PEAK1: variants seen among roughly 807,000 people sequenced by gnomAD.
PEAK1 encodes pseudopodium enriched atypical kinase 1.
PEAK1 carries 54 observed loss-of-function variants against 124.7 expected under a neutral mutation model. That is an observed-to-expected ratio of 0.43 (90% CI 0.35 to 0.54). The LOEUF is 0.54. Ranked by LOEUF, PEAK1 falls within the 20% of genes least tolerant of loss-of-function variation. The pLI is 0.01. For missense variants in PEAK1, 2,046 were observed against 2,134.5 expected (o/e 0.96, Z 0.82); for synonymous variants, 719 against 760.0 (o/e 0.95, Z 0.89).
chr15:77,114,501 G>A lies in PEAK1; in HGVS notation c.4896C>T (p.Ser1632=). The part of the protein sequence containing the change: ...RADLPRIPFR[S]PYSRGLQQLA... ...GCTGCTGCAGACCCCGGGAGTAGGG[G>A]GAGCGGAATGGGATGCGAGGCAGGT... The change falls in exon 10 of 10, where the codon TCC becomes TCT. Residue 1632 remains serine, a synonymous_variant. Coordinates refer to ENST00000682557, the MANE Select transcript of PEAK1 (RefSeq NM_001385026.1). 1 of 1,614,050 alleles carries A rather than the reference G, an allele frequency of 6.2e-7. No individual in the cohort carries two copies. Among genetic ancestry groups the A allele is most frequent in the Non-Finnish European group, 8.5e-7 (1 of 1,179,972 alleles).
intron 2 of PEAK1, chr15:77,334,174 T>C (rs2066056585): frequency 1.0e-6 from 1 of 971,832 alleles, no homozygotes; most frequent in Non-Finnish European, 1.2e-6. Context: ...AGGTATTCCT[T>C]GAATATTGAG....
rs567019569 is a variant in PEAK1, at chr15:77,260,049, C to T, written c.-274-7523G>A. ...AAAACATCTAAGGAAAAAATGTTACCAGATAGTTGCAATACAAAGATTCTC... is the reference window on the plus strand; with the variant it reads ...AAAACATCTAAGGAAAAAATGTTACTAGATAGTTGCAATACAAAGATTCTC... On this transcript the variant is annotated intron_variant, in intron 5 of 9. Transcript: ENST00000682557. Among the ~76,000 whole-genome samples the T allele has an allele frequency of 4.6e-5, 7 of 152,000 alleles. No homozygotes were observed. The South Asian group carries it at 1.5e-3, about 32-fold the overall frequency.
At chr15:77,177,450 G>A (rs2056955290) in intron 7 of PEAK1, among the ~76,000 whole-genome samples, 1 of 152,028 alleles carries the variant, frequency 6.6e-6, no homozygotes, top group Non-Finnish European at 1.5e-5. Flanking sequence ...TATGTAAAAA[G>A]CTCATTTTAG....
At chr15:77,279,104 C>CGT (rs34561338) in intron 5 of PEAK1, among the ~76,000 whole-genome samples, 22,421 of 114,892 alleles carry the variant, frequency 0.2, 1,754 homozygotes, top group Non-Finnish European at 0.25. Context: ...CTCGTGTGTG[C>CGT]GTGTGTGTGT....
rs2066186000 is a variant in PEAK1, at chr15:77,336,176, C to G, written c.-603+28987G>C. On this transcript the variant is annotated intron_variant, in intron 2 of 9. Coordinates refer to ENST00000682557, the MANE Select transcript of PEAK1 (RefSeq NM_001385026.1). Reference sequence around the variant, plus strand: ...AGCACAAGACCTGCACCTACTTGTTCTACAACCACAGAGCTTCAGGGGCAG... The same window carrying G: ...AGCACAAGACCTGCACCTACTTGTTGTACAACCACAGAGCTTCAGGGGCAG... 6.1e-6 allele frequency: 6 copies of G among 985,322 alleles called. No individual in the cohort carries two copies. The African/African-American group carries it at 8.7e-5, about 14-fold the overall frequency. The allele number at this position is 985,322 out of a possible 1,614,324, so 61.0% of individuals were successfully genotyped here.
At position 77,302,844 on chromosome 15, in the gene PEAK1, G is replaced by A. The variant is rs529703353; in HGVS notation, c.-602-16340C>T. Among the ~76,000 whole-genome samples, 35 of 152,212 alleles carry A rather than the reference G, an allele frequency of 2.3e-4. 1 individual carries two copies. The South Asian group carries it at 6.4e-3, about 28-fold the overall frequency. On this transcript the variant is annotated intron_variant, in intron 2 of 9. Transcript: ENST00000682557. ...TAAAATTCTCTGGGTTTTGGCAAAT[G>A]CTTAATATCTTATATTCATCATCAC...
At chr15:77,125,428 A>C (rs919787471) in intron 9 of PEAK1, among the ~76,000 whole-genome samples, 2 of 152,142 alleles carry the variant, frequency 1.3e-5, no homozygotes, top group African/African-American at 4.8e-5. Flanking sequence ...AGGAAGGAAT[A>C]ACCAACTTTT....
chr15:77,389,322 C>T (rs572940099), intron 1 of PEAK1, among the ~76,000 whole-genome samples: 1 of 152,178 alleles, frequency 6.6e-6, no homozygotes, highest in African/African-American at 2.4e-5. Context: ...TGGGATTCAG[C>T]TTTCTAATTC....
Position 77,265,649 on chromosome 15 carries a change from CT to C in PEAK1, c.-274-13124del, listed in dbSNP as rs1473302055. On this transcript the variant is annotated intron_variant, in intron 5 of 9. Transcript: ENST00000682557. ...GTGGAGAAATAGGAACACTTTTACA[CT>C]GTTGGTGGGACTGTAAACTAGTTCA... Among the ~76,000 whole-genome samples, 19 of 152,026 alleles carry C rather than the reference CT, an allele frequency of 1.2e-4. No homozygotes were observed. The East Asian group carries it at 2.9e-3, about 23-fold the overall frequency.
rs1031654730 is a variant in PEAK1, at chr15:77,191,876, A to AT, written c.-114-9837dup. Among the ~76,000 whole-genome samples, 205 of 152,206 alleles carry AT rather than the reference A, an allele frequency of 1.3e-3. 1 individual carries two copies. Among genetic ancestry groups the AT allele is most frequent in the African/African-American group, 4.8e-3 (200 of 41,532 alleles). Reference sequence around the variant, plus strand: ...GCTGATGTGAGAGGCTAAATTGATAATTTTTATCAACCAGTGGGATAATAA... The same window carrying AT: ...GCTGATGTGAGAGGCTAAATTGATAATTTTTTATCAACCAGTGGGATAATAA... On this transcript the variant is annotated intron_variant, in intron 6 of 9. Coordinates refer to ENST00000682557, the MANE Select transcript of PEAK1 (RefSeq NM_001385026.1).
chr15:77,198,367 G>C lies in PEAK1; in HGVS notation c.-114-16327C>G, dbSNP rs79315714. Among the ~76,000 whole-genome samples, 421 of 152,222 alleles carry C rather than the reference G, an allele frequency of 2.8e-3. 3 individuals carry two copies. The highest frequency in any genetic ancestry group is 4.2e-3 in the Non-Finnish European group (289 of 68,012). ...GCTGTAAACCTTAAATAACACATAG[G>C]ACCCATATGAAATGCCACCAGTGAT... On this transcript the variant is annotated intron_variant, in intron 6 of 9. Transcript: ENST00000682557.
At chr15:77,142,496 A>C (rs2053865862) in intron 8 of PEAK1, among the ~76,000 whole-genome samples, 1 of 152,220 alleles carries the variant, frequency 6.6e-6, no homozygotes, top group South Asian at 2.1e-4. Context: ...GTCCACCAAA[A>C]CTTTATATGC....
At chr15:77,371,873 G>C (rs2068667222) in intron 1 of PEAK1, among the ~76,000 whole-genome samples, 1 of 152,236 alleles carries the variant, frequency 6.6e-6, no homozygotes, top group South Asian at 2.1e-4. Flanking sequence ...GACAGAGGAA[G>C]ACTCTGTCCC....
At chr15:77,396,616 A>G (rs1291247947) in intron 1 of PEAK1, among the ~76,000 whole-genome samples, 2 of 152,176 alleles carry the variant, frequency 1.3e-5, no homozygotes, top group Non-Finnish European at 2.9e-5. Flanking sequence ...ACCAAACAAG[A>G]GCAGGGGTAG....
chr15:77,395,083 G>A (rs1052484634), intron 1 of PEAK1, among the ~76,000 whole-genome samples: 1 of 152,140 alleles, frequency 6.6e-6, no homozygotes, highest in African/African-American at 2.4e-5. Flanking sequence ...GATGAATTCA[G>A]AATCCTATCA....
chr15:77,196,656 T>C (rs2058117699), intron 6 of PEAK1, among the ~76,000 whole-genome samples: 1 of 152,140 alleles, frequency 6.6e-6, no homozygotes, highest in African/African-American at 2.4e-5. Context: ...CACTAACAAA[T>C]GTTAGTGTTT....
At position 77,179,380 on chromosome 15, in the gene PEAK1, CTTT is replaced by C; in HGVS notation, c.2544_2546del (p.Ile848_Lys849delinsMet). 6.2e-7 allele frequency: 1 copy of C among 1,613,974 alleles called. No individual in the cohort carries two copies. Among genetic ancestry groups the C allele is most frequent in the Non-Finnish European group, 8.5e-7 (1 of 1,179,992 alleles). On this transcript the variant is annotated inframe_deletion, in exon 7 of 10. Coordinates refer to ENST00000682557, the MANE Select transcript of PEAK1 (RefSeq NM_001385026.1). ...ATTTGGAGGGAGAGGGGGTGACTGG[CTTT>C]ATGGATGGGTCTTTCTGTACTTTGG... is the stretch of plus-strand genomic sequence containing the variant.
At chr15:77,403,600 G>A in intron 1 of PEAK1, 2 of 939,690 alleles carry the variant, frequency 2.1e-6, no homozygotes, top group Non-Finnish European at 2.5e-6. Context: ...TTTATTGGAT[G>A]TTCATATATC....
chr15:77,404,917 T>C (rs986977690), intron 1 of PEAK1: 8 of 296,988 alleles, frequency 2.7e-5, no homozygotes, highest in African/African-American at 1.8e-4. Flanking sequence ...AGCTCCTGTA[T>C]GCCTTTCACA....
Sources: allele counts gnomAD v4.1 joint callset (sites outside exome capture counted in the v4.1 genomes callset), GRCh38; gene constraint gnomAD v4.1.1; transcripts MANE v1.5; gene names NCBI Gene and HGNC (gene_info 2026-07-23, HGNC 2026-07-21).